The following ASAP1 variants were observed in gnomAD, a reference collection of about 807,000 sequenced individuals.
The protein encoded by ASAP1 is arf-GAP with SH3 domain, ANK repeat and PH domain-containing protein 1.
In ASAP1, 43 loss-of-function variants were observed where a neutral mutation model predicts 145.2. That is an observed-to-expected ratio of 0.30 (90% CI 0.23 to 0.38). The LOEUF is 0.38. Among genes scored for constraint, ASAP1 ranks in the 10% least tolerant of loss-of-function variants. The pLI is 1.00. For missense variants in ASAP1, 1,018 were observed against 1,355.3 expected (o/e 0.75, Z 3.91); for synonymous variants, 546 against 515.5 (o/e 1.06, Z -0.80).
At chr8:130,070,930 AGAGAGAGG>A in intron 27 of ASAP1, among the ~76,000 whole-genome samples, 1 of 23,994 alleles carries the variant, frequency 4.2e-5, no homozygotes, top group African/African-American at 2.6e-4. Flanking sequence ...AGAGAGGGGG[AGAGAGAGG>A]GGGAGAGAGA....
At position 130,361,659 on chromosome 8, in the gene ASAP1, C is replaced by T. The variant is rs1365570693; in HGVS notation, c.60-3516G>A. 2.6e-6 allele frequency: 4 copies of T among 1,512,628 alleles called. No individual in the cohort carries two copies. The South Asian group carries it at 3.6e-5, about 14-fold the overall frequency. The allele number at this position is 1,512,628 out of a possible 1,614,324, so 93.7% of individuals were successfully genotyped here. On this transcript the variant is annotated intron_variant, in intron 2 of 29. Coordinates refer to ENST00000518721, the MANE Select transcript of ASAP1 (RefSeq NM_018482.4). ...GCAATTACAATTTCAAAGGTTCACA[C>T]CTCTACTCACCATTTCTGGGCCATA...
chr8:130,377,283 C>T (rs1827548667), intron 2 of ASAP1, among the ~76,000 whole-genome samples: 1 of 152,118 alleles, frequency 6.6e-6, no homozygotes, highest in Admixed American at 6.5e-5. Flanking sequence ...GTATACTGCT[C>T]ACACAAGGTG....
Position 130,375,450 on chromosome 8 carries a change from T to C in ASAP1, c.60-17307A>G, listed in dbSNP as rs369779679. ...TGGCTCATGCCTGTAATCCCAGCAA[T>C]TGGAGAGGCTGAGGCTGAAGGACTG... is the stretch of plus-strand genomic sequence containing the variant. On this transcript the variant is annotated intron_variant, in intron 2 of 29. Transcript: ENST00000518721. Among the ~76,000 whole-genome samples the C allele has an allele frequency of 3.3e-5, 5 of 151,438 alleles. No homozygotes were observed. In the East Asian group the frequency reaches 7.7e-4, roughly 23 times the overall value.
chr8:130,439,746 A>T (rs1830431101), intron 1 of ASAP1, among the ~76,000 whole-genome samples: 1 of 152,152 alleles, frequency 6.6e-6, no homozygotes, highest in Admixed American at 6.5e-5. Context: ...CCGCAGGGGG[A>T]AGAACGTAAG....
At chr8:130,082,855 G>A (rs903549245) in intron 25 of ASAP1, 3 of 151,598 alleles carry the variant, frequency 2.0e-5, no homozygotes, top group African/African-American at 7.3e-5. Context: ...ACTGCACCTA[G>A]CCTGGTAGGC....
At chr8:130,262,416 A>AG (rs1363566398) in intron 3 of ASAP1, among the ~76,000 whole-genome samples, 9 of 57,864 alleles carry the variant, frequency 1.6e-4, no homozygotes, top group Non-Finnish European at 2.1e-4. Flanking sequence ...AAAAAAAAAA[A>AG]AGAGAGAGAG....
At chr8:130,076,199 A>C in intron 27 of ASAP1, 149 bp downstream of exon 27, 2 of 526,886 alleles carry the variant, frequency 3.8e-6, no homozygotes, top group Non-Finnish European at 6.8e-6. Context: ...TCGTCATTTA[A>C]TGTGTATTTA....
rs1177340523 is a variant in ASAP1, at chr8:130,092,128, G to A, written c.2417C>T (p.Pro806Leu). 6.4e-7 allele frequency: 1 copy of A among 1,565,448 alleles called. No individual in the cohort carries two copies. The highest frequency in any genetic ancestry group is 1.4e-5 in the African/African-American group (1 of 70,990). The change falls in exon 25 of 30, where the codon CCT becomes CTT. Residue 806 changes from proline to leucine, a missense_variant. Physicochemically the swap from Pro to Leu is moderately conservative, Grantham distance 98 (BLOSUM62 -3). Around this residue, in one of 9 missense-constraint regions of ASAP1, gnomAD observed 353 missense variants for 375.4 expected, o/e 0.94. Coordinates refer to ENST00000518721, the MANE Select transcript of ASAP1 (RefSeq NM_018482.4). ...RNAGKGPTGP[P>L]STLPLSTQTS... ...CTGGGTGCTTAGAGGGAGTGTTGAA[G>A]GTGGGCCAGTTGGACCTAGAAAGGA... is the stretch of plus-strand genomic sequence containing the variant.
At chr8:130,170,784 C>T (rs1381609089) in intron 9 of ASAP1, among the ~76,000 whole-genome samples, 2 of 152,158 alleles carry the variant, frequency 1.3e-5, no homozygotes, top group African/African-American at 2.4e-5. Flanking sequence ...CACTGGAGTG[C>T]AGTGGCTCAA....
intron 3 of ASAP1, among the ~76,000 whole-genome samples, chr8:130,346,708 C>A (rs1825723434): frequency 6.7e-6 from 1 of 149,760 alleles, no homozygotes; most frequent in South Asian, 2.1e-4. Context: ...TGTGACAGCA[C>A]TGACTTGGCA....
intron 25 of ASAP1, among the ~76,000 whole-genome samples, chr8:130,088,982 C>T (rs1254500528): frequency 6.6e-6 from 1 of 152,300 alleles, no homozygotes; most frequent in Non-Finnish European, 1.5e-5. Context: ...AGAATCCAGA[C>T]AGTATGACAC....
chr8:130,134,019 T>G (rs2097588435), intron 15 of ASAP1, among the ~76,000 whole-genome samples: 1 of 152,014 alleles, frequency 6.6e-6, no homozygotes, highest in Non-Finnish European at 1.5e-5. Context: ...TCACAGAAGG[T>G]TATGAAGAGG....
Position 130,128,006 on chromosome 8 carries a change from C to G in ASAP1, c.1302G>C (p.Leu434=). The part of the protein sequence containing the change: ...RGEQSAGENS[L]EDLTKAIIED... ...CAATAATGGCTTTTGTCAGGTCTTC[C>G]AGGCTGTTCTCTCCCGCACTCTGCT... Residue 434 remains leucine (L), a synonymous_variant, in exon 16 of 30, where the codon CTG becomes CTC. Coordinates refer to ENST00000518721, the MANE Select transcript of ASAP1 (RefSeq NM_018482.4). The G allele has an allele frequency of 6.2e-7, 1 of 1,614,092 alleles. No homozygotes were observed. The highest frequency in any genetic ancestry group is 8.5e-7 in the Non-Finnish European group (1 of 1,180,002).
At chr8:130,275,106 C>T (rs913101212) in intron 3 of ASAP1, among the ~76,000 whole-genome samples, 1 of 152,226 alleles carries the variant, frequency 6.6e-6, no homozygotes, top group Non-Finnish European at 1.5e-5. Flanking sequence ...TCCTAACCAT[C>T]TCTAGATCTT....
intron 2 of ASAP1, among the ~76,000 whole-genome samples, chr8:130,373,188 A>G (rs908742783): frequency 6.6e-6 from 1 of 152,082 alleles, no homozygotes; most frequent in Non-Finnish European, 1.5e-5. Flanking sequence ...GCCAGAAAAA[A>G]AAAAAAACCA....
intron 3 of ASAP1, among the ~76,000 whole-genome samples, chr8:130,354,168 G>A (rs1212299729): frequency 5.3e-5 from 8 of 152,084 alleles, no homozygotes; most frequent in Non-Finnish European, 2.9e-5. Context: ...GGGATTACAG[G>A]CCTGAGCCAC....
chr8:130,356,983 G>A (rs1826353583), intron 3 of ASAP1, among the ~76,000 whole-genome samples: 1 of 152,108 alleles, frequency 6.6e-6, no homozygotes, highest in Non-Finnish European at 1.5e-5. Context: ...TCCACCCAAT[G>A]GTGCCATTTT....
chr8:130,124,563 G>T (rs557939928), intron 17 of ASAP1, among the ~76,000 whole-genome samples: 76 of 152,294 alleles, frequency 5.0e-4, no homozygotes, highest in African/African-American at 1.7e-3. Flanking sequence ...GGACAGAAAA[G>T]GACACAGGAT....
chr8:130,058,787 G>C (rs928985843), intron 28 of ASAP1, among the ~76,000 whole-genome samples: 1 of 152,078 alleles, frequency 6.6e-6, no homozygotes, highest in Non-Finnish European at 1.5e-5. Context: ...AAATGTTTTG[G>C]GTGGAGTGCC....
Sources: gnomAD v4.1 joint callset for allele counts (sites outside exome capture counted in the v4.1 genomes callset) on GRCh38, gnomAD v4.1.1 for gene constraint, gnomAD v4.1.1 regional missense constraint, MANE v1.5 for transcripts, NCBI Gene and HGNC (gene_info 2026-07-23, HGNC 2026-07-21) for gene names.